The following SRGAP2 variants were observed in gnomAD, a reference collection of about 807,000 sequenced individuals.
The protein encoded by SRGAP2 is SLIT-ROBO Rho GTPase-activating protein 2.
In SRGAP2, 15 loss-of-function variants were observed where a neutral mutation model predicts 57.2. The observed-to-expected ratio is 0.26, with a 90% CI of 0.18 to 0.40. SRGAP2 has a LOEUF of 0.40. Among genes scored for constraint, SRGAP2 ranks in the 10% least tolerant of loss-of-function variants. SRGAP2 has a pLI of 1.00. For synonymous variants in SRGAP2, 249 were observed against 248.0 expected (o/e 1.00, Z -0.04); for missense variants, 520 against 669.6 (o/e 0.78, Z 2.47).
rs11404999 is a variant in SRGAP2 at position 206,419,807 on chromosome 1, A to AT, written c.1469+422dup. Among the ~76,000 whole-genome samples the AT allele has an allele frequency of 6.4e-3, 917 of 142,990 alleles. 4 individuals are homozygous for AT. The highest frequency in any genetic ancestry group is 0.022 in the Middle Eastern group (6 of 272). 93.8% of individuals were successfully genotyped at this position (142,990 alleles called of 152,430 possible). A position where few individuals can be genotyped will look rare whatever the true frequency, so the allele number is the denominator to read the frequency against. On this transcript the variant is annotated intron_variant, in intron 12 of 22. Transcript: ENST00000573034. ...AAAGAAGATCAGGAGATGGCATTTG[A>AT]TTTTTTTTTTTTTTTAATGCCCAGA... is the stretch of plus-strand genomic sequence containing the variant.
intron 2 of SRGAP2, among the ~76,000 whole-genome samples, chr1:206,253,376 C>T (rs569335060): frequency 3.6e-4 from 54 of 150,770 alleles, no homozygotes; most frequent in Admixed American, 5.3e-4. Context: ...GCCCTCTTGC[C>T]CTCTTGCTCT....
intron 17 of SRGAP2, among the ~76,000 whole-genome samples, chr1:206,443,095 C>T (rs1553372645): frequency 6.6e-6 from 1 of 152,122 alleles, no homozygotes; most frequent in East Asian, 1.9e-4. Flanking sequence ...AAAGTGCATG[C>T]TAAAAAGTAA....
chr1:206,302,151 C>T (rs1264402210), intron 2 of SRGAP2, among the ~76,000 whole-genome samples: 1 of 149,892 alleles, frequency 6.7e-6, no homozygotes, highest in Non-Finnish European at 1.5e-5. Context: ...CATCCTAATG[C>T]ATTTGGAGCT....
Position 206,383,210 on chromosome 1 carries a change from A to G in SRGAP2, c.424-804A>G, listed in dbSNP as rs540235851. Among the ~76,000 whole-genome samples the G allele has an allele frequency of 9.3e-3, 1,375 of 147,982 alleles. 9 individuals are homozygous for G. The highest frequency in any genetic ancestry group is 0.018 in the South Asian group (82 of 4,664). On this transcript the variant is annotated intron_variant, in intron 4 of 22. Transcript: ENST00000573034. ...CGGCTAATTTTTGTATTTTTAGTAG[A>G]GATGGGGTTTCACTATGTTGGCCAT...
intron 3 of SRGAP2, among the ~76,000 whole-genome samples, chr1:206,306,576 G>C (rs1162757128): frequency 1.3e-5 from 2 of 152,074 alleles, no homozygotes; most frequent in African/African-American, 2.4e-5. Flanking sequence ...ATGTTGGCTC[G>C]GGCAGCCTGC....
intron 2 of SRGAP2, among the ~76,000 whole-genome samples, chr1:206,210,403 C>CTTTTTTTTTT (rs71568077): frequency 3.1e-5 from 1 of 31,802 alleles, no homozygotes; most frequent in Non-Finnish European, 6.2e-5. Context: ...GGGGTCTTGT[C>CTTTTTTTTTT]TTTTTTTTTT....
chr1:206,213,942 A>G (rs563272503), intron 2 of SRGAP2, among the ~76,000 whole-genome samples: 67 of 151,834 alleles, frequency 4.4e-4, no homozygotes, highest in African/African-American at 1.6e-3. Context: ...AAGCAAACGA[A>G]AAAATAGATC....
chr1:206,326,959 T>G, intron 3 of SRGAP2, among the ~76,000 whole-genome samples: 1 of 151,808 alleles, frequency 6.6e-6, no homozygotes, highest in Non-Finnish European at 1.5e-5. Context: ...GCCCAGGAGT[T>G]TGAGGCTACA....
At chr1:206,459,710 TATCTC>T (rs1199712256) in intron 22 of SRGAP2, among the ~76,000 whole-genome samples, 1 of 152,238 alleles carries the variant, frequency 6.6e-6, no homozygotes, top group Non-Finnish European at 1.5e-5. Flanking sequence ...GTTGCCTTCT[TATCTC>T]AACTGAGTTG....
chr1:206,420,148 G>C (rs1005904100), intron 12 of SRGAP2, among the ~76,000 whole-genome samples: 3 of 152,134 alleles, frequency 2.0e-5, no homozygotes, highest in Non-Finnish European at 4.4e-5. Flanking sequence ...AGAGACCCTG[G>C]GTTAGCCCAT....
At chr1:206,387,194 T>C (rs1316035913) in intron 5 of SRGAP2, among the ~76,000 whole-genome samples, 4 of 148,810 alleles carry the variant, frequency 2.7e-5, no homozygotes, top group Admixed American at 6.7e-5. Flanking sequence ...TTAAGATAGG[T>C]TTAGGACTGG....
At chr1:206,365,414 A>G (rs1167264520) in intron 4 of SRGAP2, among the ~76,000 whole-genome samples, 13 of 152,360 alleles carry the variant, frequency 8.5e-5, no homozygotes, top group Non-Finnish European at 1.6e-4. Flanking sequence ...TGAGCTGCTT[A>G]AACTGGCAGG....
chr1:206,424,024 C>T (rs915839824), intron 13 of SRGAP2, among the ~76,000 whole-genome samples: 1 of 146,872 alleles, frequency 6.8e-6, no homozygotes, highest in Non-Finnish European at 1.5e-5. Context: ...AATTCCTGAG[C>T]TCAAGTGATC....
rs1664322014 is a variant in SRGAP2, at chr1:206,462,261, G to C, written c.*841G>C. ...ATTAAGGAGCTTTTAAAGTTTTTCTGAATGTATAGACATTTCTCGGGTTCC... is the reference window on the plus strand; with the variant it reads ...ATTAAGGAGCTTTTAAAGTTTTTCTCAATGTATAGACATTTCTCGGGTTCC... On this transcript the variant is annotated 3_prime_UTR_variant, in exon 23 of 23. Transcript: ENST00000573034. 1 of 152,580 alleles carries C rather than the reference G, an allele frequency of 6.6e-6. No individual in the cohort carries two copies. The highest frequency in any genetic ancestry group is 2.4e-5 in the African/African-American group (1 of 41,412). The allele number at this position is 152,580 out of a possible 1,614,324, so 9.5% of individuals were successfully genotyped here.
intron 2 of SRGAP2, among the ~76,000 whole-genome samples, chr1:206,298,944 T>C (rs1671732531): frequency 6.6e-6 from 1 of 152,180 alleles, no homozygotes; most frequent in African/African-American, 2.4e-5. Context: ...CTCTTCTTTG[T>C]CAAGCCATGC....
chr1:206,449,112 T>C (rs1663022754), intron 18 of SRGAP2, among the ~76,000 whole-genome samples: 1 of 152,162 alleles, frequency 6.6e-6, no homozygotes, highest in Non-Finnish European at 1.5e-5. Flanking sequence ...CACCTGTTAC[T>C]GCCTACTACC....
intron 21 of SRGAP2, among the ~76,000 whole-genome samples, chr1:206,457,634 G>C (rs1423859017): frequency 6.6e-6 from 1 of 152,184 alleles, no homozygotes; most frequent in Non-Finnish European, 1.5e-5. Flanking sequence ...TACATGCCAG[G>C]TCCTGGGCCA....
At chr1:206,415,849 C>T in intron 10 of SRGAP2, 40 bp from the exon 11 acceptor site, 1 of 757,032 alleles carries the variant, frequency 1.3e-6, no homozygotes, top group South Asian at 1.4e-5. Context: ...TCTTCTTCTT[C>T]AGGAGTCTGA....
At chr1:206,354,414 C>A (rs1178201254) in intron 4 of SRGAP2, among the ~76,000 whole-genome samples, 2 of 152,194 alleles carry the variant, frequency 1.3e-5, no homozygotes, top group Non-Finnish European at 2.9e-5. Flanking sequence ...CTGGGGTTTT[C>A]ATGGGAAGCC....
Sources: gnomAD v4.1 joint callset for allele counts (sites outside exome capture counted in the v4.1 genomes callset) on GRCh38, gnomAD v4.1.1 for gene constraint, MANE v1.5 for transcripts, NCBI Gene and HGNC (gene_info 2026-07-23, HGNC 2026-07-21) for gene names.